The following DUSP10 variants were observed in gnomAD, a reference collection of about 807,000 sequenced individuals.
DUSP10 encodes dual specificity phosphatase 10.
In DUSP10, 14 loss-of-function variants were observed where a neutral mutation model predicts 30.8. The observed-to-expected ratio is 0.46, with a 90% CI of 0.30 to 0.71. DUSP10 has a LOEUF of 0.71. Ranked by LOEUF, DUSP10 falls within the 30% of genes least tolerant of loss-of-function variation. DUSP10 has a pLI of 0.08. For synonymous variants in DUSP10, 254 were observed against 250.4 expected (o/e 1.01, Z -0.14); for missense variants, 550 against 619.4 (o/e 0.89, Z 1.19).
At chr1:221,708,300 T>A (rs975690831) in intron 2 of DUSP10, among the ~76,000 whole-genome samples, 3 of 152,136 alleles carry the variant, frequency 2.0e-5, no homozygotes, top group Admixed American at 6.5e-5. Context: ...CATATGTTCT[T>A]CTCCATTTCA....
chr1:221,730,402 A>G (rs113138123), intron 2 of DUSP10, among the ~76,000 whole-genome samples: 129 of 152,296 alleles, frequency 8.5e-4, no homozygotes, highest in African/African-American at 3.0e-3. Flanking sequence ...GATGTGTGCA[A>G]TGGACAACAG....
At position 221,702,368 on chromosome 1, in the gene DUSP10, T is replaced by G; in HGVS notation, c.*44A>C. Reference sequence around the variant, plus strand: ...ACCAGAATCCATCCTCCTTCCTCATTGTCTCCTAATGGAGAGCAGCAATCC... The same window carrying G: ...ACCAGAATCCATCCTCCTTCCTCATGGTCTCCTAATGGAGAGCAGCAATCC... On this transcript the variant is annotated 3_prime_UTR_variant, in exon 4 of 4. Coordinates refer to ENST00000366899, the MANE Select transcript of DUSP10 (RefSeq NM_007207.6). The surrounding 1 kb of genome is among the most constrained non-coding windows in gnomAD (Gnocchi z 4.5). 6.4e-7 allele frequency: 1 copy of G among 1,569,964 alleles called. No individual in the cohort carries two copies. The highest frequency in any genetic ancestry group is 8.6e-7 in the Non-Finnish European group (1 of 1,156,346).
At chr1:221,714,661 A>G (rs1249348576) in intron 2 of DUSP10, among the ~76,000 whole-genome samples, 3 of 152,076 alleles carry the variant, frequency 2.0e-5, no homozygotes, top group African/African-American at 7.2e-5. Flanking sequence ...TGGCACATCC[A>G]CCACCAGTCG....
At chr1:221,733,931 T>G (rs1030007785) in intron 2 of DUSP10, among the ~76,000 whole-genome samples, 3 of 151,886 alleles carry the variant, frequency 2.0e-5, no homozygotes, top group Non-Finnish European at 4.4e-5. Flanking sequence ...AGCAGGAGAG[T>G]GTACCCAAAA....
At position 221,706,386 on chromosome 1, in the gene DUSP10, C is replaced by T. The variant is rs1438057170; in HGVS notation, c.892G>A (p.Gly298Ser). The part of the protein sequence containing the change: ...LQLQECREVG[G>S]GASAASSLLP... ...AAGCTCGAGGCCGCGGATGCGCCGCCCCCCACCTCCCGGCACTCTTGGAGC... is the reference window on the plus strand; with the variant it reads ...AAGCTCGAGGCCGCGGATGCGCCGCTCCCCACCTCCCGGCACTCTTGGAGC... Residue 298 changes from glycine (G) to serine (S), a missense_variant, in exon 3 of 4, where the codon GGC becomes AGC. Physicochemically the swap from Gly to Ser is moderately conservative, Grantham distance 56. Coordinates refer to ENST00000366899, the MANE Select transcript of DUSP10 (RefSeq NM_007207.6). The surrounding 1 kb of genome is among the most constrained non-coding windows in gnomAD (Gnocchi z 4.6). The T allele has an allele frequency of 3.8e-6, 6 of 1,581,362 alleles. No homozygotes were observed. Among genetic ancestry groups the T allele is most frequent in the Non-Finnish European group, 5.2e-6 (6 of 1,161,116 alleles).
chr1:221,733,698 C>A (rs1005706713), intron 2 of DUSP10, among the ~76,000 whole-genome samples: 1 of 152,202 alleles, frequency 6.6e-6, no homozygotes, highest in African/African-American at 2.4e-5. Context: ...GATGCTGGAG[C>A]TGTCCCTGTT....
chr1:221,724,676 A>T (rs1410734763), intron 2 of DUSP10, among the ~76,000 whole-genome samples: 1 of 152,150 alleles, frequency 6.6e-6, no homozygotes, highest in Non-Finnish European at 1.5e-5. Context: ...AATTGTTCCC[A>T]TTCTACAAAT....
At chr1:221,738,845 G>C (rs1404370306) in intron 2 of DUSP10, 89 bp downstream of exon 2, 2 of 1,483,820 alleles carry the variant, frequency 1.3e-6, no homozygotes, top group Non-Finnish European at 9.0e-7. Context: ...TTGGTAGCCA[G>C]GGTAAGGAGA....
chr1:221,737,757 C>G (rs999524160), intron 2 of DUSP10, among the ~76,000 whole-genome samples: 4 of 152,200 alleles, frequency 2.6e-5, no homozygotes, highest in African/African-American at 9.7e-5. Flanking sequence ...TAACAAAAGG[C>G]AGAATGCCCC....
At chr1:221,711,177 A>G (rs1660926059) in intron 2 of DUSP10, among the ~76,000 whole-genome samples, 1 of 152,334 alleles carries the variant, frequency 6.6e-6, no homozygotes, top group South Asian at 2.1e-4. Flanking sequence ...TTCTCTTTAT[A>G]GATGCATTTC....
intron 2 of DUSP10, among the ~76,000 whole-genome samples, chr1:221,732,530 C>G (rs377186299): frequency 1.3e-5 from 2 of 152,108 alleles, no homozygotes; most frequent in East Asian, 1.9e-4. Context: ...ATATTTTATG[C>G]TATATATTAG....
At chr1:221,716,329 A>T (rs1484313027) in intron 2 of DUSP10, among the ~76,000 whole-genome samples, 1 of 152,212 alleles carries the variant, frequency 6.6e-6, no homozygotes, top group African/African-American at 2.4e-5. Flanking sequence ...TGTCTCACAA[A>T]GGTTTCAGTA....
intron 2 of DUSP10, among the ~76,000 whole-genome samples, chr1:221,709,396 T>C (rs1256439640): frequency 6.8e-6 from 1 of 146,480 alleles, no homozygotes; most frequent in African/African-American, 2.5e-5. Flanking sequence ...CATGCTTATG[T>C]GCAAAAGTAT....
At chr1:221,719,961 A>G (rs1661227508) in intron 2 of DUSP10, among the ~76,000 whole-genome samples, 1 of 152,190 alleles carries the variant, frequency 6.6e-6, no homozygotes, top group Non-Finnish European at 1.5e-5. Context: ...ATGAATGAAC[A>G]ATGGCAAGAA....
At chr1:221,732,709 A>T (rs953103350) in intron 2 of DUSP10, among the ~76,000 whole-genome samples, 1 of 152,220 alleles carries the variant, frequency 6.6e-6, no homozygotes, top group Non-Finnish European at 1.5e-5. Context: ...TAATGAGAAT[A>T]CCGGACTAGA....
Position 221,702,343 on chromosome 1 carries a change from A to C in DUSP10, c.*69T>G, listed in dbSNP as rs1660629920. On this transcript the variant is annotated 3_prime_UTR_variant, in exon 4 of 4. Transcript: ENST00000366899. The surrounding 1 kb of genome is among the most constrained non-coding windows in gnomAD (Gnocchi z 4.5). ...ACAAAAAAAAAAAGAAAGAAAAAAAACCAGAATCCATCCTCCTTCCTCATT... is the reference window on the plus strand; with the variant it reads ...ACAAAAAAAAAAAGAAAGAAAAAAACCCAGAATCCATCCTCCTTCCTCATT... The C allele has an allele frequency of 7.2e-6, 11 of 1,531,394 alleles. No individual in the cohort carries two copies. The highest frequency in any genetic ancestry group is 5.0e-5 in the South Asian group (4 of 79,808). The allele number at this position is 1,531,394 out of a possible 1,614,324, so 94.9% of individuals were successfully genotyped here. A position where few individuals can be genotyped will look rare whatever the true frequency, so the allele number is the denominator to read the frequency against.
At chr1:221,713,240 T>G (rs1038486620) in intron 2 of DUSP10, among the ~76,000 whole-genome samples, 1 of 152,174 alleles carries the variant, frequency 6.6e-6, no homozygotes, top group African/African-American at 2.4e-5. Flanking sequence ...CCACTGTAGC[T>G]CTGCTCTGCT....
Position 221,702,345 on chromosome 1 carries a change from C to G in DUSP10, c.*67G>C. 5.9e-6 allele frequency: 9 copies of G among 1,528,562 alleles called. No homozygotes were observed. In the South Asian group the frequency reaches 1.1e-4, roughly 19 times the overall value. 94.7% of individuals were successfully genotyped at this position (1,528,562 alleles called of 1,614,324 possible). On this transcript the variant is annotated 3_prime_UTR_variant, in exon 4 of 4. Coordinates refer to ENST00000366899, the MANE Select transcript of DUSP10 (RefSeq NM_007207.6). This position sits in a 1 kb window ranked among gnomAD's most constrained non-coding sequence, Gnocchi z 4.5. ...AAAAAAAAAAAGAAAGAAAAAAAAC[C>G]AGAATCCATCCTCCTTCCTCATTGT... is the stretch of plus-strand genomic sequence containing the variant.
chr1:221,702,504 C>T lies in DUSP10; in HGVS notation c.1357G>A (p.Gly453Arg). The T allele has an allele frequency of 6.2e-7, 1 of 1,613,988 alleles. No homozygotes were observed. Among genetic ancestry groups the T allele is most frequent in the Non-Finnish European group, 8.5e-7 (1 of 1,180,010 alleles). ...PIISPNLNFM[G>R]QLLEFEEDLN... ...TCTTCCTCGAACTCTAGCAACTGCC[C>T]CATGAAGTTAAGGTTTGGGGAGATA... is the stretch of plus-strand genomic sequence containing the variant. Residue 453 changes from glycine to arginine, a missense_variant, in exon 4 of 4, where the codon GGG (glycine) becomes AGG (arginine). Gly to Arg is a moderately radical substitution (Grantham distance 125). Transcript: ENST00000366899. This position sits in a 1 kb window ranked among gnomAD's most constrained non-coding sequence, Gnocchi z 4.5.
Sources: gnomAD v4.1 joint callset for allele counts (sites outside exome capture counted in the v4.1 genomes callset) on GRCh38, gnomAD v4.1.1 for gene constraint, Gnocchi (gnomAD v3.1) non-coding constraint, MANE v1.5 for transcripts, NCBI Gene and HGNC (gene_info 2026-07-23, HGNC 2026-07-21) for gene names.